SMARCAD1: variants seen among roughly 807,000 people sequenced by gnomAD.
SMARCAD1 encodes the protein SWI/SNF-related matrix-associated actin-dependent regulator of chromatin subfamily A containing DEAD/H box 1.
SMARCAD1 carries 25 observed loss-of-function variants against 127.1 expected under a neutral mutation model. The ratio of observed to expected loss-of-function variants is 0.20; its 90% CI spans 0.14 to 0.27. SMARCAD1 has a LOEUF of 0.27. Ranked by LOEUF, SMARCAD1 falls within the 10% of genes least tolerant of loss-of-function variation. SMARCAD1 has a pLI of 1.00. For missense variants in SMARCAD1, 807 were observed against 1,206.0 expected (o/e 0.67, Z 4.90); for synonymous variants, 400 against 396.9 (o/e 1.01, Z -0.09).
rs1249830013 is a variant in SMARCAD1 at position 94,250,981 on chromosome 4, C to A, written c.889+148C>A. On this transcript the variant is annotated intron_variant, in intron 8 of 23. Transcript: ENST00000354268. ...TTGAAAGTAATGATGTAAAAACATT[C>A]TTTAACAACCAGTTTTTAAATGTTT... 8.3e-6 allele frequency: 5 copies of A among 604,228 alleles called. No homozygotes were observed. The Admixed American group carries it at 1.4e-4, about 17-fold the overall frequency. The allele number at this position is 604,228 out of a possible 1,614,324, so 37.4% of individuals were successfully genotyped here. A position where few individuals can be genotyped will look rare whatever the true frequency, so the allele number is the denominator to read the frequency against.
intron 2 of SMARCAD1, among the ~76,000 whole-genome samples, chr4:94,214,567 A>G (rs1742851292): frequency 6.6e-6 from 1 of 152,094 alleles, no homozygotes; most frequent in African/African-American, 2.4e-5. Flanking sequence ...CACCTGGCCA[A>G]GCGTTTGTTA....
At chr4:94,269,596 T>C (rs929371836) in intron 10 of SMARCAD1, among the ~76,000 whole-genome samples, 1 of 152,074 alleles carries the variant, frequency 6.6e-6, no homozygotes, top group East Asian at 1.9e-4. Context: ...TCTGTGCCTA[T>C]GTATAATAGA....
chr4:94,207,919 TG>T lies in SMARCAD1; in HGVS notation c.-199del, dbSNP rs1741450272. 1 of 342,864 alleles carries T rather than the reference TG, an allele frequency of 2.9e-6. No individual in the cohort carries two copies. The highest frequency in any genetic ancestry group is 5.7e-6 in the Non-Finnish European group (1 of 174,122). 21.2% of individuals were successfully genotyped at this position (342,864 alleles called of 1,614,324 possible). On this transcript the variant is annotated 5_prime_UTR_variant, in exon 1 of 24. It removes the in-frame stop codon of an upstream open reading frame in the 5' UTR. Transcript: ENST00000354268. ...CACGGCCTCCGCCGCTCCCCTTCTT[TG>T]GCCCCTTTGTGTCCCCGCAGTGTCG...
intron 23 of SMARCAD1, among the ~76,000 whole-genome samples, chr4:94,288,291 C>T (rs1322205960): frequency 6.6e-6 from 1 of 152,146 alleles, no homozygotes; most frequent in Non-Finnish European, 1.5e-5. Context: ...TTCCTTAAAA[C>T]ACTAGGGTCC....
rs1741656851 is a variant in SMARCAD1, at chr4:94,208,650, G to C, written c.190+66G>C. On this transcript the variant is annotated intron_variant, in intron 2 of 23. Coordinates refer to ENST00000354268, the MANE Select transcript of SMARCAD1 (RefSeq NM_020159.5). ...TTTTTAAAAGATGAAAGGCAGAAGG[G>C]ATTCTCATTTTTATTCTTGATGTCA... is the stretch of plus-strand genomic sequence containing the variant. 3.5e-6 allele frequency: 5 copies of C among 1,444,032 alleles called. No homozygotes were observed. In the Admixed American group the frequency reaches 8.7e-5, roughly 25 times the overall value. 89.5% of individuals were successfully genotyped at this position (1,444,032 alleles called of 1,614,324 possible).
At chr4:94,220,135 A>G (rs1743871519) in intron 2 of SMARCAD1, among the ~76,000 whole-genome samples, 2 of 152,212 alleles carry the variant, frequency 1.3e-5, no homozygotes, top group African/African-American at 4.8e-5. Flanking sequence ...GCTGTTGCTT[A>G]CTTCTGAAAA....
chr4:94,264,665 C>G (rs1751477379), intron 9 of SMARCAD1, 42 bp from the exon 10 acceptor site: 3 of 1,548,026 alleles, frequency 1.9e-6, no homozygotes, highest in Admixed American at 1.8e-5. Context: ...TTTCTCTTTC[C>G]TAGATCTGAA....
chr4:94,243,518 T>A (rs936578653), intron 6 of SMARCAD1, among the ~76,000 whole-genome samples: 2 of 152,214 alleles, frequency 1.3e-5, no homozygotes, highest in Non-Finnish European at 2.9e-5. Context: ...ACCATTCTGC[T>A]TTTATCAGGA....
Position 94,226,208 on chromosome 4 carries a change from T to C in SMARCAD1, c.280T>C (p.Leu94=), listed in dbSNP as rs1029069385. The C allele has an allele frequency of 2.5e-6, 4 of 1,612,714 alleles. No individual in the cohort carries two copies. Among genetic ancestry groups the C allele is most frequent in the African/African-American group, 1.3e-5 (1 of 74,894 alleles). ...KNQRGIQYID[L]SSDSEDVVSP... is the part of the protein sequence containing the mutation. ...TCAAAGAGGAATACAGTATATTGATTTGTCTTCTGATAGTGAAGATGTCGT... is the reference window on the plus strand; with the variant it reads ...TCAAAGAGGAATACAGTATATTGATCTGTCTTCTGATAGTGAAGATGTCGT... The change falls in exon 3 of 24, where the codon TTG becomes CTG. Residue 94 remains leucine (L), a synonymous_variant. Coordinates refer to ENST00000354268, the MANE Select transcript of SMARCAD1 (RefSeq NM_020159.5).
intron 11 of SMARCAD1, 129 bp from the exon 12 acceptor site, chr4:94,273,487 TC>T: frequency 1.5e-6 from 1 of 672,920 alleles, no homozygotes; most frequent in Non-Finnish European, 2.6e-6. Flanking sequence ...TAGTAGAAAT[TC>T]CTTTAGAGTT....
chr4:94,233,886 G>GA, intron 3 of SMARCAD1, 68 bp from the exon 4 acceptor site: 1 of 1,491,220 alleles, frequency 6.7e-7, no homozygotes, highest in Non-Finnish European at 9.3e-7. Context: ...TATACACATA[G>GA]ACACTATAAT....
chr4:94,235,636 GT>G lies in SMARCAD1; in HGVS notation c.538-1315del, dbSNP rs1288000806. Among the ~76,000 whole-genome samples, 5 of 144,692 alleles carry G rather than the reference GT, an allele frequency of 3.5e-5. No individual in the cohort carries two copies. In the East Asian group the frequency reaches 8.1e-4, roughly 23 times the overall value. 94.9% of individuals were successfully genotyped at this position (144,692 alleles called of 152,430 possible). Reference sequence around the variant, plus strand: ...ACAGCAGTGTTACTTGTCTGCTAATGTGAATTTTTTTTTTTTTTTTTTTTGT... The same window carrying G: ...ACAGCAGTGTTACTTGTCTGCTAATGGAATTTTTTTTTTTTTTTTTTTTGT... On this transcript the variant is annotated intron_variant, in intron 4 of 23. Transcript: ENST00000354268.
chr4:94,247,091 G>A (rs1212734900), intron 6 of SMARCAD1, among the ~76,000 whole-genome samples: 1 of 145,246 alleles, frequency 6.9e-6, no homozygotes, highest in Non-Finnish European at 1.5e-5. Flanking sequence ...AATATCTGCA[G>A]TTCCTTTAGG....
At position 94,283,847 on chromosome 4, in the gene SMARCAD1, T is replaced by A. The variant is rs1203557832; in HGVS notation, c.2909+544T>A. 4.6e-5 allele frequency among the ~76,000 whole-genome samples: 7 copies of A among 151,344 alleles called. No homozygotes were observed. In the East Asian group the frequency reaches 1.4e-3, roughly 30 times the overall value. On this transcript the variant is annotated intron_variant, in intron 22 of 23. Transcript: ENST00000354268. ...TCTCAAAACAAACAAACAAAAAAAT[T>A]GTCTACCCCTTTGAAAAAGATGAGT...
chr4:94,242,554 A>G (rs1747756066), intron 6 of SMARCAD1, among the ~76,000 whole-genome samples: 2 of 152,084 alleles, frequency 1.3e-5, no homozygotes, highest in African/African-American at 2.4e-5. Context: ...TTGGGTTTAT[A>G]TTATAGCAGT....
intron 2 of SMARCAD1, among the ~76,000 whole-genome samples, chr4:94,216,391 G>T (rs2632417): frequency 6.6e-6 from 1 of 151,862 alleles, no homozygotes; most frequent in African/African-American, 2.4e-5. Context: ...TCTGCATTCC[G>T]CATTACCACA....
chr4:94,219,550 A>G (rs1366811453), intron 2 of SMARCAD1, among the ~76,000 whole-genome samples: 2 of 152,088 alleles, frequency 1.3e-5, no homozygotes, highest in African/African-American at 4.8e-5. Context: ...CTTGGGATAT[A>G]AGATTGTCTT....
At position 94,280,755 on chromosome 4, in the gene SMARCAD1, G is replaced by A. The variant is rs1158666263; in HGVS notation, c.2582G>A (p.Cys861Tyr). ...TCTGGAAAATTTCGAGTTTTAGGATGCATCTTGTCTGAATTGAAACAGAAG... is the reference window on the plus strand; with the variant it reads ...TCTGGAAAATTTCGAGTTTTAGGATACATCTTGTCTGAATTGAAACAGAAG... ...LDSGKFRVLG[C>Y]ILSELKQKGD... Residue 861 changes from cysteine (C) to tyrosine (Y), a missense_variant, in exon 20 of 24, where the codon TGC becomes TAC. By Grantham distance (194) the Cys-to-Tyr change is radical (BLOSUM62 -2). Coordinates refer to ENST00000354268, the MANE Select transcript of SMARCAD1 (RefSeq NM_020159.5). 1 of 1,613,584 alleles carries A rather than the reference G, an allele frequency of 6.2e-7. No homozygotes were observed. The highest frequency in any genetic ancestry group is 2.2e-5 in the East Asian group (1 of 44,762).
rs775036233 is a variant in SMARCAD1 at position 94,280,717 on chromosome 4, C to T, written c.2544C>T (p.Asp848=). 1 of 1,613,672 alleles carries T rather than the reference C, an allele frequency of 6.2e-7. No homozygotes were observed. Among genetic ancestry groups the T allele is most frequent in the Non-Finnish European group, 8.5e-7 (1 of 1,179,808 alleles). Residue 848 remains aspartate (D), a synonymous_variant, in exon 20 of 24, where the codon GAC becomes GAT. Coordinates refer to ENST00000354268, the MANE Select transcript of SMARCAD1 (RefSeq NM_020159.5). ...TTAATAACTTTCAGTTAGACATGGACTTGATTTTAGATTCTGGAAAATTTC... is the reference window on the plus strand; with the variant it reads ...TTAATAACTTTCAGTTAGACATGGATTTGATTTTAGATTCTGGAAAATTTC... ...RHINNFQLDM[D]LILDSGKFRV...
Sources: gnomAD v4.1 joint callset for allele counts (sites outside exome capture counted in the v4.1 genomes callset) on GRCh38, gnomAD v4.1.1 for gene constraint, MANE v1.5 for transcripts, NCBI Gene and HGNC (gene_info 2026-07-23, HGNC 2026-07-21) for gene names.